The following CLMP variants were observed in gnomAD, a reference collection of about 807,000 sequenced individuals.
CLMP encodes the protein CXADR like cell adhesion molecule.
A neutral mutation model predicts 45.2 loss-of-function variants in CLMP; 27 were observed. The observed-to-expected ratio is 0.60, with a 90% confidence interval of 0.44 to 0.82. CLMP has a LOEUF of 0.82. Ranked by LOEUF, CLMP falls within the 40% of genes least tolerant of loss-of-function variation. The pLI is 0.00. For missense variants in CLMP, 403 were observed against 448.4 expected, an observed-to-expected ratio of 0.90 and a Z score of 0.91; for synonymous variants, 167 against 171.4, an observed-to-expected ratio of 0.97 and a Z score of 0.20.
chr11:123,131,223 T>C lies in CLMP; in HGVS notation c.29-33271A>G, dbSNP rs368112508. 2.0e-5 allele frequency among the ~76,000 whole-genome samples: 3 copies of C among 152,204 alleles called. 1 individual carries two copies. In the South Asian group the frequency reaches 6.2e-4, roughly 32 times the overall value. ...TTTCCCCCCAAATAGTATGACTGTT[T>C]AGTTTTAGATCTTTTTCTCATCCCT... On this transcript the variant is annotated intron_variant, in intron 1 of 6. Transcript: ENST00000448775.
At chr11:123,074,234 G>A (rs1865708720) in intron 6 of CLMP, among the ~76,000 whole-genome samples, 3 of 150,324 alleles carry the variant, frequency 2.0e-5, no homozygotes, top group Admixed American at 1.3e-4. Flanking sequence ...GAGTACAGAG[G>A]TGCAATCATG....
intron 1 of CLMP, among the ~76,000 whole-genome samples, chr11:123,181,087 C>G (rs1462895089): frequency 6.6e-6 from 1 of 152,136 alleles, no homozygotes; most frequent in Non-Finnish European, 1.5e-5. Context: ...GTCTATGGCT[C>G]CCCACAAATG....
chr11:123,141,950 G>A (rs7106958), intron 1 of CLMP, among the ~76,000 whole-genome samples: 63,807 of 148,298 alleles, frequency 0.43, 14,976 homozygotes, highest in African/African-American at 0.62. Context: ...TAGAGCCAGA[G>A]AGAATTAAAT....
intron 2 of CLMP, among the ~76,000 whole-genome samples, chr11:123,092,028 G>GT (rs1865936733): frequency 6.6e-6 from 1 of 151,982 alleles, no homozygotes; most frequent in Non-Finnish European, 1.5e-5. Flanking sequence ...TGATTACACA[G>GT]TTTTTTCTTT....
At chr11:123,134,238 C>T (rs1206996418) in intron 1 of CLMP, among the ~76,000 whole-genome samples, 21 of 150,286 alleles carry the variant, frequency 1.4e-4, no homozygotes, top group Admixed American at 1.1e-3. Context: ...CCAGCCTGGG[C>T]GACAGTGAGA....
chr11:123,160,279 C>CAAAAAAAAA, intron 1 of CLMP, among the ~76,000 whole-genome samples: 1 of 46,670 alleles, frequency 2.1e-5, no homozygotes, highest in Non-Finnish European at 3.5e-5. Context: ...GACTCTGTCT[C>CAAAAAAAAA]AAAAAAAAAA....
At chr11:123,077,511 A>G (rs1358277749) in intron 5 of CLMP, among the ~76,000 whole-genome samples, 1 of 152,082 alleles carries the variant, frequency 6.6e-6, no homozygotes, top group African/African-American at 2.4e-5. Context: ...TTGTATTTTT[A>G]GTAGAGATGG....
At chr11:123,154,932 A>T (rs1861392057) in intron 1 of CLMP, among the ~76,000 whole-genome samples, 1 of 152,210 alleles carries the variant, frequency 6.6e-6, no homozygotes, top group African/African-American at 2.4e-5. Flanking sequence ...GGAGGAAAAT[A>T]ATAGAAAGAG....
intron 1 of CLMP, among the ~76,000 whole-genome samples, chr11:123,100,344 G>A (rs981641628): frequency 1.3e-5 from 2 of 150,968 alleles, no homozygotes; most frequent in Admixed American, 6.6e-5. Flanking sequence ...TCGCACCATT[G>A]CACTCCAGCC....
chr11:123,137,572 G>T (rs1240775746), intron 1 of CLMP, among the ~76,000 whole-genome samples: 3 of 151,978 alleles, frequency 2.0e-5, no homozygotes, highest in Admixed American at 6.6e-5. Context: ...AGGTCTCAGG[G>T]TTAGGCTGTC....
chr11:123,150,605 T>TGAAGGAAG (rs10570651), intron 1 of CLMP, among the ~76,000 whole-genome samples: 45 of 70,988 alleles, frequency 6.3e-4, no homozygotes, highest in Non-Finnish European at 5.9e-5. Context: ...AAGGAAGGAA[T>TGAAGGAAG]GAAGGAAGGA....
chr11:123,192,154 G>A (rs1338648696), intron 1 of CLMP, among the ~76,000 whole-genome samples: 1 of 152,152 alleles, frequency 6.6e-6, no homozygotes, highest in African/African-American at 2.4e-5. Flanking sequence ...CATGTTTTGG[G>A]CGCATGAAGT....
intron 1 of CLMP, among the ~76,000 whole-genome samples, chr11:123,186,432 C>T (rs1464995094): frequency 6.6e-6 from 1 of 151,908 alleles, no homozygotes; most frequent in Non-Finnish European, 1.5e-5. Flanking sequence ...TGCCAAGCAG[C>T]GTAGAAGGGC....
In CLMP at chr11:123,194,970, C is replaced by T. The variant is rs759324248; in HGVS notation, c.-30G>A. Reference sequence around the variant, plus strand: ...ATCCCCGGACGCGGGCGCTTCCCCGCTCAGCTGCTGCTTGGCTCCGGGGCG... The same window carrying T: ...ATCCCCGGACGCGGGCGCTTCCCCGTTCAGCTGCTGCTTGGCTCCGGGGCG... On this transcript the variant is annotated 5_prime_UTR_variant, in exon 1 of 7. Coordinates refer to ENST00000448775, the MANE Select transcript of CLMP (RefSeq NM_024769.5). The T allele has an allele frequency of 1.9e-6, 3 of 1,610,084 alleles. No individual in the cohort carries two copies. Among genetic ancestry groups the T allele is most frequent in the Non-Finnish European group, 2.5e-6 (3 of 1,178,322 alleles).
chr11:123,102,938 C>T (rs1860475127), intron 1 of CLMP, among the ~76,000 whole-genome samples: 1 of 151,980 alleles, frequency 6.6e-6, no homozygotes, highest in African/African-American at 2.4e-5. Flanking sequence ...AAGTACCATT[C>T]ATTGCTGCCT....
In CLMP at chr11:123,146,866, T is replaced by C. The variant is rs528983257; in HGVS notation, c.28+48047A>G. 2.5e-4 allele frequency among the ~76,000 whole-genome samples: 38 copies of C among 152,300 alleles called. No individual in the cohort carries two copies. The South Asian group carries it at 7.9e-3, about 32-fold the overall frequency. On this transcript the variant is annotated intron_variant, in intron 1 of 6. Coordinates refer to ENST00000448775, the MANE Select transcript of CLMP (RefSeq NM_024769.5). ...CTCACAAGCACCTCAAATTCAGCGC[T>C]GTGCCTCCTGCATCACTTATCGGAT...
intron 1 of CLMP, among the ~76,000 whole-genome samples, chr11:123,116,604 C>T (rs1298801051): frequency 6.6e-6 from 1 of 152,014 alleles, no homozygotes; most frequent in Non-Finnish European, 1.5e-5. Flanking sequence ...TAAAAATTAT[C>T]CATATGTGTC....
intron 1 of CLMP, among the ~76,000 whole-genome samples, chr11:123,175,947 T>C (rs1434103423): frequency 6.6e-6 from 1 of 152,222 alleles, no homozygotes; most frequent in African/African-American, 2.4e-5. Context: ...ATGCTAGCCA[T>C]TCCCTAGCAC....
chr11:123,162,485 C>G (rs183763078), intron 1 of CLMP, among the ~76,000 whole-genome samples: 2 of 152,264 alleles, frequency 1.3e-5, no homozygotes, highest in Non-Finnish European at 2.9e-5. Context: ...GGAAATAAAT[C>G]TTTCAGGCAC....
Sources: gnomAD v4.1 joint callset for allele counts (sites outside exome capture counted in the v4.1 genomes callset) on GRCh38, gnomAD v4.1.1 for gene constraint, MANE v1.5 for transcripts, NCBI Gene and HGNC (gene_info 2026-07-23, HGNC 2026-07-21) for gene names.